The following TRA2B variants were observed in gnomAD, a reference collection of about 807,000 sequenced individuals.
TRA2B encodes transformer-2 protein homolog beta.
Under a neutral mutation model 41.7 loss-of-function variants are expected in TRA2B, and 14 were observed. The ratio of observed to expected loss-of-function variants is 0.34; its 90% confidence interval spans 0.22 to 0.53. The LOEUF (loss-of-function observed/expected upper bound fraction) is 0.53. Among genes scored for constraint, TRA2B ranks in the 20% least tolerant of loss-of-function variants. TRA2B has a pLI of 0.95. For missense variants in TRA2B, 167 were observed against 396.8 expected (o/e 0.42, Z 4.92); for synonymous variants, 130 against 128.8 (o/e 1.01, Z -0.06).
intron 1 of TRA2B, chr3:185,927,925 T>C (rs1442451890): frequency 6.6e-6 from 1 of 152,230 alleles, no homozygotes; most frequent in Non-Finnish European, 1.5e-5. Context: ...TAAAGCCTGG[T>C]AAGCCTTTCT....
intron 1 of TRA2B, chr3:185,935,370 C>A (rs1030936066): frequency 2.0e-6 from 2 of 985,298 alleles, no homozygotes; most frequent in African/African-American, 3.5e-5. Flanking sequence ...ATCCCACAGA[C>A]CAACGAGGGA....
intron 1 of TRA2B, chr3:185,936,075 A>G: frequency 1.0e-6 from 1 of 985,448 alleles, no homozygotes; most frequent in Non-Finnish European, 1.2e-6. Flanking sequence ...CACGTAAAAT[A>G]TACTAATGAA....
chr3:185,935,822 A>G (rs1744329229), intron 1 of TRA2B: 1 of 985,322 alleles, frequency 1.0e-6, no homozygotes, highest in Non-Finnish European at 1.2e-6. Context: ...CGCAAACACC[A>G]AACACAACAA....
intron 1 of TRA2B, chr3:185,934,680 G>C: frequency 1.0e-6 from 1 of 985,262 alleles, no homozygotes; most frequent in Non-Finnish European, 1.2e-6. Context: ...AGATGTTTCA[G>C]TTTTGAAAAT....
chr3:185,933,763 C>A (rs1054430965), intron 1 of TRA2B, among the ~76,000 whole-genome samples: 1 of 151,804 alleles, frequency 6.6e-6, no homozygotes, highest in Non-Finnish European at 1.5e-5. Context: ...TAGTTGTAGG[C>A]CTGTGCTTAT....
At chr3:185,922,235 C>T (rs891635628) in intron 4 of TRA2B, 109 bp from the exon 5 acceptor site, 6 of 664,022 alleles carry the variant, frequency 9.0e-6, no homozygotes, top group South Asian at 4.5e-5. Flanking sequence ...ATTAAGTTAT[C>T]TTAATGTTAG....
Position 185,937,882 on chromosome 3 carries a change from G to C in TRA2B, c.-22C>G, listed in dbSNP as rs1422148644. Reference sequence around the variant, plus strand: ...TCATGACTCCTGGCTGCTGTCGCCGGTCGATGTGCTTCAATCGAAGCTGCC... The same window carrying C: ...TCATGACTCCTGGCTGCTGTCGCCGCTCGATGTGCTTCAATCGAAGCTGCC... On this transcript the variant is annotated 5_prime_UTR_variant, in exon 1 of 9. Transcript: ENST00000453386. 6.2e-7 allele frequency: 1 copy of C among 1,613,754 alleles called. No homozygotes were observed. Among genetic ancestry groups the C allele is most frequent in the East Asian group, 2.2e-5 (1 of 44,874 alleles).
intron 1 of TRA2B, chr3:185,935,451 GAAT>G (rs1338133680): frequency 4.9e-5 from 48 of 985,238 alleles, no homozygotes; most frequent in Middle Eastern, 5.2e-4. Context: ...ATCAAACTGA[GAAT>G]AATTTATCCC....
intron 1 of TRA2B, chr3:185,934,973 T>A: frequency 2.0e-6 from 2 of 985,450 alleles, no homozygotes; most frequent in Non-Finnish European, 2.4e-6. Context: ...ATTCCTTTAG[T>A]AAAGACTCAC....
At chr3:185,926,953 GA>G in intron 1 of TRA2B, 1 of 509,226 alleles carries the variant, frequency 2.0e-6, no homozygotes, top group Non-Finnish European at 3.4e-6. Context: ...TTGGAGCAGG[GA>G]TAAGAGTTAT....
intron 1 of TRA2B, chr3:185,931,754 T>C (rs1355884604): frequency 6.8e-7 from 1 of 1,477,110 alleles, no homozygotes; most frequent in Non-Finnish European, 8.9e-7. Context: ...CTTTCTTTTA[T>C]TTTTTCAAAT....
rs759772070 is a variant in TRA2B, at chr3:185,918,432, C to T, written c.789G>A (p.Arg263=). The T allele has an allele frequency of 6.2e-7, 1 of 1,611,166 alleles. No homozygotes were observed. The highest frequency in any genetic ancestry group is 2.2e-5 in the East Asian group (1 of 44,856). The change falls in exon 8 of 9, where the codon CGG becomes CGA. Residue 263 remains arginine (R), a synonymous_variant. Coordinates refer to ENST00000453386, the MANE Select transcript of TRA2B (RefSeq NM_004593.3). ...CACGACTATAGTAAGGAGAAGGTGA[C>T]CGCCTTCTATAAACAAATGTCAAGA... ...AQDRDQIYRR[R]SPSPYYSRGG...
intron 1 of TRA2B, chr3:185,927,045 C>G: frequency 4.3e-6 from 1 of 231,444 alleles, no homozygotes; most frequent in East Asian, 9.7e-5. Context: ...CAGAATGTTA[C>G]TCCATAAAGA....
intron 4 of TRA2B, 83 bp from the exon 5 acceptor site, chr3:185,922,209 C>G (rs1260465316): frequency 1.1e-6 from 1 of 935,210 alleles, no homozygotes; most frequent in South Asian, 1.6e-5. Context: ...TCCCACTGGA[C>G]ATTTCAGTTA....
chr3:185,928,861 T>C (rs1302328549), intron 1 of TRA2B: 5 of 152,232 alleles, frequency 3.3e-5, no homozygotes, highest in East Asian at 3.8e-4. Context: ...TTTAAGCTCC[T>C]GGCTTTAACA....
chr3:185,920,657 C>CA (rs1230453192), intron 6 of TRA2B, among the ~76,000 whole-genome samples: 2 of 152,020 alleles, frequency 1.3e-5, no homozygotes, highest in African/African-American at 4.8e-5. Flanking sequence ...CGGGTTCAAG[C>CA]AATTCACCTG....
intron 1 of TRA2B, chr3:185,931,880 AT>A: frequency 7.3e-7 from 1 of 1,375,142 alleles, no homozygotes; most frequent in Non-Finnish European, 9.4e-7. Flanking sequence ...AGGATGAAGA[AT>A]ATTTTAAAAC....
chr3:185,934,391 T>C (rs901633086), intron 1 of TRA2B: 11 of 985,438 alleles, frequency 1.1e-5, no homozygotes, highest in Non-Finnish European at 1.3e-5. Flanking sequence ...ACCACCTGAA[T>C]TCCTTTTCAA....
intron 1 of TRA2B, chr3:185,934,852 A>C (rs1744287606): frequency 1.0e-6 from 1 of 985,458 alleles, no homozygotes; most frequent in Non-Finnish European, 1.2e-6. Context: ...CCTATGTTGC[A>C]ATCACATCGG....
Sources: gnomAD v4.1 joint callset for allele counts (sites outside exome capture counted in the v4.1 genomes callset) on GRCh38, gnomAD v4.1.1 for gene constraint, MANE v1.5 for transcripts, NCBI Gene and HGNC (gene_info 2026-07-23, HGNC 2026-07-21) for gene names.